Variants in PHKB observed in about 807,000 individuals in gnomAD.
The protein encoded by PHKB is phosphorylase kinase regulatory subunit beta.
PHKB carries 122 observed loss-of-function variants against 152.1 expected under a neutral mutation model. The observed-to-expected ratio is 0.80, with a 90% CI of 0.69 to 0.93. The LOEUF (loss-of-function observed/expected upper bound fraction) is 0.93. PHKB is among the 40% of genes least tolerant of loss of function. The pLI, the probability that PHKB is intolerant of heterozygous loss-of-function variation, is 0.00. For missense variants in PHKB, 1,304 were observed against 1,328.4 expected (o/e 0.98, Z 0.29); for synonymous variants, 436 against 464.9 (o/e 0.94, Z 0.80).
intron 8 of PHKB, among the ~76,000 whole-genome samples, chr16:47,580,581 T>A (rs538411182): frequency 1.3e-5 from 2 of 150,664 alleles, no homozygotes; most frequent in South Asian, 4.2e-4. Context: ...AAAAAGAAAA[T>A]TTTTTTTGAT....
intron 14 of PHKB, 23 bp from the exon 15 acceptor site, chr16:47,641,012 C>G (rs760497529): frequency 4.4e-6 from 7 of 1,605,966 alleles, no homozygotes; most frequent in Non-Finnish European, 5.1e-6. Context: ...AATGTTTTCC[C>G]CCTCCCTTAT....
intron 6 of PHKB, among the ~76,000 whole-genome samples, chr16:47,539,383 A>T (rs959193823): frequency 1.3e-5 from 2 of 152,074 alleles, no homozygotes; most frequent in Non-Finnish European, 2.9e-5. Context: ...TAATATCTAA[A>T]GTTTTAGACT....
intron 1 of PHKB, among the ~76,000 whole-genome samples, chr16:47,490,607 C>A: frequency 6.6e-6 from 1 of 152,080 alleles, no homozygotes; most frequent in Non-Finnish European, 1.5e-5. Context: ...TCAGGAAAGG[C>A]AATTATGAGG....
intron 7 of PHKB, among the ~76,000 whole-genome samples, chr16:47,555,384 CA>C (rs780881342): frequency 1.3e-5 from 2 of 152,262 alleles, no homozygotes; most frequent in East Asian, 3.9e-4. Context: ...TCATGCCTGC[CA>C]GTTACTTTTG....
At chr16:47,669,568 G>T in intron 26 of PHKB, 151 bp downstream of exon 26, 1 of 716,336 alleles carries the variant, frequency 1.4e-6, no homozygotes, top group Non-Finnish European at 2.5e-6. Context: ...AATATCTGGG[G>T]GTATGAAAAA....
intron 18 of PHKB, among the ~76,000 whole-genome samples, chr16:47,649,910 CTGAT>C (rs1283371268): frequency 6.6e-5 from 10 of 152,248 alleles, no homozygotes; most frequent in Middle Eastern, 3.4e-3. Context: ...TTTCAGATGA[CTGAT>C]TGATTGACAG....
At chr16:47,471,002 A>G (rs1969757037) in intron 1 of PHKB, among the ~76,000 whole-genome samples, 3 of 152,136 alleles carry the variant, frequency 2.0e-5, no homozygotes, top group South Asian at 4.1e-4. Context: ...TCCTTGTACA[A>G]TCACCCTAGT....
chr16:47,566,951 G>A, intron 7 of PHKB: 1 of 536,658 alleles, frequency 1.9e-6, no homozygotes, highest in Non-Finnish European at 3.3e-6. Context: ...CATGTTGGGA[G>A]AGGCTTTGTG....
At chr16:47,551,663 TGTG>T (rs1971272870) in intron 7 of PHKB, among the ~76,000 whole-genome samples, 1 of 152,220 alleles carries the variant, frequency 6.6e-6, no homozygotes, top group South Asian at 2.1e-4. Context: ...ATAAGTGCGA[TGTG>T]GTGCTGAGAA....
chr16:47,698,601 CTTTTT>C lies in PHKB; in HGVS notation c.3144+30_3144+34del. 2.3e-5 allele frequency: 17 copies of C among 730,240 alleles called. No individual in the cohort carries two copies. The highest frequency in any genetic ancestry group is 4.9e-5 in the Admixed American group (1 of 20,240). The allele number at this position is 730,240 out of a possible 1,614,324, so 45.2% of individuals were successfully genotyped here. On this transcript the variant is annotated intron_variant, in intron 30 of 30. Coordinates refer to ENST00000323584, the MANE Select transcript of PHKB (RefSeq NM_000293.3). The stretch of plus-strand genomic sequence containing the variant: ...AATTGAAAAACAAGTAAGTACACAG[CTTTTT>C]TTTTTTTTTTTTTTTTGAGAATTTT...
intron 14 of PHKB, 63 bp from the exon 15 acceptor site, chr16:47,640,972 A>T: frequency 1.4e-6 from 2 of 1,408,652 alleles, no homozygotes; most frequent in Admixed American, 3.3e-5. Flanking sequence ...CTTGTTTCTC[A>T]TTGTAGCTGA....
chr16:47,545,209 A>G (rs913599348), intron 6 of PHKB, among the ~76,000 whole-genome samples: 1 of 152,276 alleles, frequency 6.6e-6, no homozygotes, highest in South Asian at 2.1e-4. Flanking sequence ...TCCATCTGGC[A>G]TGTTTTTGGA....
intron 18 of PHKB, 41 bp from the exon 19 acceptor site, chr16:47,650,503 A>G (rs1165026416): frequency 8.8e-7 from 1 of 1,131,690 alleles, no homozygotes; most frequent in Non-Finnish European, 1.4e-6. Flanking sequence ...TGTTCATCTT[A>G]GATACTGTGC....
Position 47,497,489 on chromosome 16 carries a change from G to T in PHKB, c.166+1G>T. ...AAGTTGGACCATTATTACAGAATTG[G>T]TGAGTAAAACCTGAGGAAAACGTGT... On this transcript the variant is annotated splice_donor_variant, in intron 2 of 30. Coordinates refer to ENST00000323584, the MANE Select transcript of PHKB (RefSeq NM_000293.3). LOFTEE classifies it high-confidence loss of function. 1 of 1,584,386 alleles carries T rather than the reference G, an allele frequency of 6.3e-7. No individual in the cohort carries two copies.
At chr16:47,647,121 T>G (rs943376100) in intron 16 of PHKB, among the ~76,000 whole-genome samples, 11 of 151,946 alleles carry the variant, frequency 7.2e-5, no homozygotes, top group Admixed American at 1.3e-4. Flanking sequence ...ATGTATTTAT[T>G]TATTTATTTA....
At chr16:47,580,669 T>A (rs1482546428) in intron 8 of PHKB, among the ~76,000 whole-genome samples, 2 of 152,114 alleles carry the variant, frequency 1.3e-5, no homozygotes, top group East Asian at 1.9e-4. Context: ...TCACATTTTT[T>A]AATGTATTTG....
In PHKB at chr16:47,683,524, G is replaced by C. The variant is rs546359316; in HGVS notation, c.2631-5517G>C. ...AGTTTGATCTCAGACTGCTGTGCTA[G>C]CAATCAGCGAGACTCCGTGGCCATA... On this transcript the variant is annotated intron_variant, in intron 26 of 30. Transcript: ENST00000323584. Among the ~76,000 whole-genome samples, 198 of 152,312 alleles carry C rather than the reference G, an allele frequency of 1.3e-3. 1 individual carries two copies. Among genetic ancestry groups the C allele is most frequent in the East Asian group, 7.9e-3 (41 of 5,166 alleles).
intron 7 of PHKB, among the ~76,000 whole-genome samples, chr16:47,568,571 G>T (rs1971606521): frequency 6.6e-6 from 1 of 151,892 alleles, no homozygotes; most frequent in South Asian, 2.1e-4. Context: ...GCTAGCTTTG[G>T]GTTTGGTTTG....
chr16:47,509,703 A>C (rs1597042263), intron 4 of PHKB, among the ~76,000 whole-genome samples: 1 of 152,210 alleles, frequency 6.6e-6, no homozygotes, highest in Non-Finnish European at 1.5e-5. Flanking sequence ...CATAGCTTCT[A>C]GAAGCTTACA....
Sources: allele counts gnomAD v4.1 joint callset (sites outside exome capture counted in the v4.1 genomes callset), GRCh38; gene constraint gnomAD v4.1.1; transcripts MANE v1.5; gene names NCBI Gene and HGNC (gene_info 2026-07-23, HGNC 2026-07-21).